ATP1B1: variants seen among roughly 807,000 people sequenced by gnomAD.
ATP1B1 encodes the protein sodium/potassium-transporting ATPase subunit beta-1.
Under a neutral mutation model 39.6 loss-of-function variants are expected in ATP1B1, and 3 were observed. The ratio of observed to expected loss-of-function variants is 0.08; its 90% CI spans 0.03 to 0.20. The LOEUF (loss-of-function observed/expected upper bound fraction) is 0.20. Ranked by LOEUF, ATP1B1 falls within the 10% of genes least tolerant of loss-of-function variation. ATP1B1 has a pLI of 1.00. For missense variants in ATP1B1, 216 were observed against 371.1 expected (o/e 0.58, Z 3.43); for synonymous variants, 139 against 135.0 (o/e 1.03, Z -0.20).
chr1:169,125,428 T>A (rs1571226536), intron 3 of ATP1B1, among the ~76,000 whole-genome samples: 1 of 152,188 alleles, frequency 6.6e-6, no homozygotes, highest in Admixed American at 6.5e-5. Flanking sequence ...CAGAAAGACC[T>A]TTTGGTGTGA....
chr1:169,107,304 C>T (rs1657617110), intron 1 of ATP1B1, among the ~76,000 whole-genome samples: 1 of 152,024 alleles, frequency 6.6e-6, no homozygotes, highest in Middle Eastern at 3.2e-3. Flanking sequence ...AAAATGAGAT[C>T]TGGGGTCTTG....
In ATP1B1 at chr1:169,132,037, T is replaced by G. The variant is rs1163110744; in HGVS notation, c.*482T>G. The G allele has an allele frequency of 1.5e-4, 36 of 247,212 alleles. No individual in the cohort carries two copies. The highest frequency in any genetic ancestry group is 3.7e-4 in the African/African-American group (15 of 40,422). The allele number at this position is 247,212 out of a possible 1,614,324, so 15.3% of individuals were successfully genotyped here. A position where few individuals can be genotyped will look rare whatever the true frequency, so the allele number is the denominator to read the frequency against. On this transcript the variant is annotated 3_prime_UTR_variant, in exon 6 of 6. Transcript: ENST00000367815. ...CATGGTAATTTTTTTTTTTTTTTTTTTTTTGTTTTTTGGCTCTTTCAAAGG... is the reference window on the plus strand; with the variant it reads ...CATGGTAATTTTTTTTTTTTTTTTTGTTTTGTTTTTTGGCTCTTTCAAAGG...
chr1:169,115,738 A>C (rs772816735), intron 2 of ATP1B1, among the ~76,000 whole-genome samples: 2 of 152,210 alleles, frequency 1.3e-5, no homozygotes, highest in Admixed American at 6.5e-5. Flanking sequence ...GATGCTTTGC[A>C]CACTTAGATT....
intron 4 of ATP1B1, 51 bp downstream of exon 4, chr1:169,127,459 A>T: frequency 6.5e-7 from 1 of 1,537,358 alleles, no homozygotes; most frequent in Non-Finnish European, 8.9e-7. Context: ...TACACTAAGT[A>T]CTTAATTGAT....
At chr1:169,124,492 T>A (rs1027300090) in intron 2 of ATP1B1, among the ~76,000 whole-genome samples, 2 of 152,182 alleles carry the variant, frequency 1.3e-5, no homozygotes, top group Non-Finnish European at 2.9e-5. Context: ...CAGGGTATTT[T>A]AAAAAACTGT....
chr1:169,114,786 G>A (rs994183635), intron 2 of ATP1B1, among the ~76,000 whole-genome samples: 1 of 152,144 alleles, frequency 6.6e-6, no homozygotes, highest in Non-Finnish European at 1.5e-5. Flanking sequence ...CACTTTGAGA[G>A]ACTGAGGCAG....
chr1:169,106,907 C>A lies in ATP1B1; in HGVS notation c.78C>A (p.Gly26=), dbSNP rs768959839. ...IWNSEKKEFL[G]RTGGSWFKIL... ...ACTCAGAGAAGAAGGAGTTTCTGGGCAGGACCGGTGGCAGTTGGTGTAAGT... is the reference window on the plus strand; with the variant it reads ...ACTCAGAGAAGAAGGAGTTTCTGGGAAGGACCGGTGGCAGTTGGTGTAAGT... Residue 26 remains glycine, a synonymous_variant, in exon 1 of 6, where the codon GGC becomes GGA. Coordinates refer to ENST00000367815, the MANE Select transcript of ATP1B1 (RefSeq NM_001677.4). 1.9e-6 allele frequency: 3 copies of A among 1,579,456 alleles called. No individual in the cohort carries two copies. The highest frequency in any genetic ancestry group is 2.6e-6 in the Non-Finnish European group (3 of 1,165,508).
intron 4 of ATP1B1, among the ~76,000 whole-genome samples, chr1:169,129,656 G>A (rs1037363014): frequency 6.6e-6 from 1 of 152,220 alleles, no homozygotes; most frequent in African/African-American, 2.4e-5. Context: ...TCTTTCTCAT[G>A]TAATCTAATC....
In ATP1B1 at chr1:169,124,971, T is replaced by C. The variant is rs1197750776; in HGVS notation, c.314T>C (p.Ile105Thr). The C allele has an allele frequency of 2.5e-6, 4 of 1,613,962 alleles. 1 individual carries two copies. Among genetic ancestry groups the C allele is most frequent in the Non-Finnish European group, 3.4e-6 (4 of 1,179,970 alleles). The change falls in exon 3 of 6, where the codon ATA (isoleucine) becomes ACA (threonine). Residue 105 changes from isoleucine to threonine, a missense_variant. Ile to Thr is a moderately conservative substitution (Grantham distance 89). Transcript: ENST00000367815. The part of the protein sequence containing the change: ...PKSYEAYVLN[I>T]VRFLEKYKDS... ...AGCTATGAGGCATATGTACTGAACA[T>C]AGTTAGGTTCCTGGAAAAGTACAAA...
At chr1:169,109,852 C>T (rs1261117690) in intron 1 of ATP1B1, among the ~76,000 whole-genome samples, 1 of 152,006 alleles carries the variant, frequency 6.6e-6, no homozygotes, top group East Asian at 1.9e-4. Flanking sequence ...ACTCTTGCAC[C>T]TCTTAGGAGC....
intron 4 of ATP1B1, among the ~76,000 whole-genome samples, chr1:169,128,833 TTTAGAG>T (rs747503791): frequency 1.3e-5 from 2 of 152,210 alleles, no homozygotes; most frequent in Non-Finnish European, 2.9e-5. Context: ...TTCCCACATC[TTTAGAG>T]TTACTTGGTT....
chr1:169,121,185 G>A (rs1244848534), intron 2 of ATP1B1, among the ~76,000 whole-genome samples: 2 of 152,150 alleles, frequency 1.3e-5, no homozygotes, highest in East Asian at 3.9e-4. Context: ...GGCCTCAAGT[G>A]ATCCACCCAA....
intron 2 of ATP1B1, among the ~76,000 whole-genome samples, chr1:169,116,973 T>A (rs900574140): frequency 4.6e-5 from 7 of 152,182 alleles, no homozygotes; most frequent in African/African-American, 1.7e-4. Flanking sequence ...TCAGAATACC[T>A]AATTTTTCCA....
chr1:169,120,188 G>T (rs1657944562), intron 2 of ATP1B1, among the ~76,000 whole-genome samples: 3 of 152,158 alleles, frequency 2.0e-5, no homozygotes, highest in African/African-American at 7.2e-5. Flanking sequence ...AGGAAAGAGA[G>T]CAGAAGAGCT....
At chr1:169,121,565 A>G (rs1657981041) in intron 2 of ATP1B1, among the ~76,000 whole-genome samples, 1 of 152,138 alleles carries the variant, frequency 6.6e-6, no homozygotes, top group East Asian at 1.9e-4. Flanking sequence ...TGGCATCACT[A>G]TTCCTCATAC....
rs1432232318 is a variant in ATP1B1 at position 169,131,993 on chromosome 1, T to A, written c.*438T>A. The A allele has an allele frequency of 3.0e-6, 1 of 329,266 alleles. No individual in the cohort carries two copies. The highest frequency in any genetic ancestry group is 1.0e-4 in the East Asian group (1 of 9,712). The allele number at this position is 329,266 out of a possible 1,614,324, so 20.4% of individuals were successfully genotyped here. A position where few individuals can be genotyped will look rare whatever the true frequency, so the allele number is the denominator to read the frequency against. Reference sequence around the variant, plus strand: ...GGTTTGCTGTCCAAGGTGTAAATATTCAACGGGAATAAAACTGGCATGGTA... The same window carrying A: ...GGTTTGCTGTCCAAGGTGTAAATATACAACGGGAATAAAACTGGCATGGTA... On this transcript the variant is annotated 3_prime_UTR_variant, in exon 6 of 6. Transcript: ENST00000367815. The surrounding 1 kb of genome is among the most constrained non-coding windows in gnomAD (Gnocchi z 4.4).
At chr1:169,111,251 A>G in intron 1 of ATP1B1, 119 bp from the exon 2 acceptor site, 1 of 1,395,716 alleles carries the variant, frequency 7.2e-7, no homozygotes, top group Non-Finnish European at 9.8e-7. Flanking sequence ...ACGTTGGACA[A>G]GGAAGAAATC....
At chr1:169,127,470 C>A in intron 4 of ATP1B1, 62 bp downstream of exon 4, 1 of 1,507,466 alleles carries the variant, frequency 6.6e-7, no homozygotes, top group Middle Eastern at 1.7e-4. Flanking sequence ...CTTAATTGAT[C>A]TGAGAAGACA....
In ATP1B1 at chr1:169,130,034, A is replaced by G; in HGVS notation, c.592A>G (p.Thr198Ala). The G allele has an allele frequency of 4.3e-6, 7 of 1,614,042 alleles. No individual in the cohort carries two copies. The highest frequency in any genetic ancestry group is 5.9e-6 in the Non-Finnish European group (7 of 1,179,988). The change falls in exon 5 of 6, where the codon ACT becomes GCT. Residue 198 changes from threonine (T) to alanine (A), a missense_variant. Physicochemically the swap from Thr to Ala is moderately conservative, Grantham distance 58 (BLOSUM62 0). Transcript: ENST00000367815. ...GCCTCCCAAGAATGAGTCCTTGGAG[A>G]CTTACCCAGTGATGAAGTATAACCC... is the stretch of plus-strand genomic sequence containing the variant. The part of the protein sequence containing the change: ...PKPPKNESLE[T>A]YPVMKYNPNV...
Sources: gnomAD v4.1 joint callset for allele counts (sites outside exome capture counted in the v4.1 genomes callset) on GRCh38, gnomAD v4.1.1 for gene constraint, Gnocchi (gnomAD v3.1) non-coding constraint, MANE v1.5 for transcripts, NCBI Gene and HGNC (gene_info 2026-07-23, HGNC 2026-07-21) for gene names.